Variants in SMC4 observed in about 807,000 individuals in gnomAD.
SMC4 encodes the protein structural maintenance of chromosomes 4.
In SMC4, 87 loss-of-function variants were observed where a neutral mutation model predicts 145.6. That is an observed-to-expected ratio of 0.60 (90% CI 0.50 to 0.71). The LOEUF (loss-of-function observed/expected upper bound fraction) is 0.71. Ranked by LOEUF, SMC4 falls within the 30% of genes least tolerant of loss-of-function variation. SMC4 has a pLI of 0.00. For missense variants in SMC4, 1,447 were observed against 1,537.1 expected (o/e 0.94, Z 0.98); for synonymous variants, 558 against 500.7 (o/e 1.11, Z -1.53).
At chr3:160,433,305 CTTTA>C (rs1202308355) in intron 23 of SMC4, 96 bp downstream of exon 23, 12 of 844,534 alleles carry the variant, frequency 1.4e-5, no homozygotes, top group Non-Finnish European at 2.2e-5. Context: ...TGAGCTTTTT[CTTTA>C]TTGTCTAATA....
Position 160,430,653 on chromosome 3 carries a change from TACTGAG to T in SMC4, c.2852_2857del (p.Thr951_Glu952del). 1 of 1,613,580 alleles carries T rather than the reference TACTGAG, an allele frequency of 6.2e-7. No individual in the cohort carries two copies. The highest frequency in any genetic ancestry group is 8.5e-7 in the Non-Finnish European group (1 of 1,179,782). On this transcript the variant is annotated inframe_deletion, in exon 19 of 24. Transcript: ENST00000357388. ...TGCGTACAGAGAAAGAAATAAAAGA[TACTGAG>T]AAAGAGGTGGATGACCTAACAGCAG...
At position 160,433,841 on chromosome 3, in the gene SMC4, A is replaced by C. The variant is rs777924262; in HGVS notation, c.*32A>C. 1 of 1,539,968 alleles carries C rather than the reference A, an allele frequency of 6.5e-7. No homozygotes were observed. Among genetic ancestry groups the C allele is most frequent in the South Asian group, 1.2e-5 (1 of 81,924 alleles). On this transcript the variant is annotated 3_prime_UTR_variant, in exon 24 of 24. Coordinates refer to ENST00000357388, the MANE Select transcript of SMC4 (RefSeq NM_001002800.3). ...TGCTGAAGATTCTTCAAGTTGATTC[A>C]GTGTATTACTGATTTTTTTCTATTT...
In SMC4 at chr3:160,413,531, G is replaced by A. The variant is rs1432160351; in HGVS notation, c.1039G>A (p.Asp347Asn). ...AACTCAAAAGGAAAAAATTCATGAA[G>A]ATACCAAAGAAATTAATGAGAAGAG... ...METQKEKIHE[D>N]TKEINEKSNI... The change falls in exon 8 of 24, where the codon GAT becomes AAT. Residue 347 changes from aspartate (D) to asparagine (N), a missense_variant. By Grantham distance (23) the Asp-to-Asn change is conservative (BLOSUM62 1). Coordinates refer to ENST00000357388, the MANE Select transcript of SMC4 (RefSeq NM_001002800.3). 6.3e-7 allele frequency: 1 copy of A among 1,582,308 alleles called. No individual in the cohort carries two copies. The highest frequency in any genetic ancestry group is 8.6e-7 in the Non-Finnish European group (1 of 1,166,900).
intron 20 of SMC4, 140 bp downstream of exon 20, chr3:160,431,345 C>A: frequency 1.4e-6 from 1 of 727,514 alleles, no homozygotes; most frequent in East Asian, 2.9e-5. Context: ...GTGATCACTT[C>A]TAAGGTTTAT....
chr3:160,422,240 A>G (rs1246462789), intron 13 of SMC4, among the ~76,000 whole-genome samples: 1 of 152,214 alleles, frequency 6.6e-6, no homozygotes, highest in African/African-American at 2.4e-5. Flanking sequence ...CTGCTGGGTC[A>G]TGTGGTAATT....
chr3:160,428,992 A>G (rs1412173946), intron 18 of SMC4, 50 bp downstream of exon 18: 1 of 1,404,884 alleles, frequency 7.1e-7, no homozygotes, highest in Non-Finnish European at 9.6e-7. Flanking sequence ...CTGCCTTCAC[A>G]TTGGAAAGGG....
At position 160,424,983 on chromosome 3, in the gene SMC4, G is replaced by T; in HGVS notation, c.2442G>T (p.Met814Ile). 6.2e-7 allele frequency: 1 copy of T among 1,610,368 alleles called. No homozygotes were observed. The highest frequency in any genetic ancestry group is 1.1e-5 in the South Asian group (1 of 91,018). Residue 814 changes from methionine (M) to isoleucine (I), a missense_variant, in exon 16 of 24, where the codon ATG becomes ATT. Physicochemically the swap from Met to Ile is conservative, Grantham distance 10. Coordinates refer to ENST00000357388, the MANE Select transcript of SMC4 (RefSeq NM_001002800.3). ...AGTTACGGCATAGTGAACGAGAAAT[G>T]AGGAACACACTAGAAAAATTTACTG... ...VVKLRHSERE[M>I]RNTLEKFTAS...
chr3:160,433,849 A>G lies in SMC4; in HGVS notation c.*40A>G, dbSNP rs758061505. 1.0e-5 allele frequency: 15 copies of G among 1,506,550 alleles called. No homozygotes were observed. In the African/African-American group the frequency reaches 2.1e-4, roughly 21 times the overall value. 93.3% of individuals were successfully genotyped at this position (1,506,550 alleles called of 1,614,324 possible). On this transcript the variant is annotated 3_prime_UTR_variant, in exon 24 of 24. Coordinates refer to ENST00000357388, the MANE Select transcript of SMC4 (RefSeq NM_001002800.3). ...ATTCTTCAAGTTGATTCAGTGTATT[A>G]CTGATTTTTTTCTATTTGTAAAGGA...
intron 3 of SMC4, 101 bp downstream of exon 3, chr3:160,402,194 A>C: frequency 1.5e-6 from 1 of 649,294 alleles, no homozygotes; most frequent in Non-Finnish European, 2.4e-6. Context: ...CCTAAAATTC[A>C]TTCACTCCCT....
intron 5 of SMC4, among the ~76,000 whole-genome samples, chr3:160,410,518 A>G (rs1006661666): frequency 1.3e-5 from 2 of 152,264 alleles, no homozygotes; most frequent in Non-Finnish European, 2.9e-5. Flanking sequence ...AATACTTTAT[A>G]TAAATATCTA....
In SMC4 at chr3:160,400,022, C is replaced by T. The variant is rs752835129; in HGVS notation, c.-6+273C>T. ...GATCTTTTCTTTAAAAAATCCTAGTCTCTATCTGGAAAAGGGCGTCTCCCC... is the reference window on the plus strand; with the variant it reads ...GATCTTTTCTTTAAAAAATCCTAGTTTCTATCTGGAAAAGGGCGTCTCCCC... On this transcript the variant is annotated intron_variant, in intron 1 of 23. Coordinates refer to ENST00000357388, the MANE Select transcript of SMC4 (RefSeq NM_001002800.3). The T allele has an allele frequency of 3.3e-5, 5 of 152,434 alleles. No homozygotes were observed. In the South Asian group the frequency reaches 1.0e-3, roughly 32 times the overall value. 9.4% of individuals were successfully genotyped at this position (152,434 alleles called of 1,614,324 possible).
rs546977751 is a variant in SMC4 at position 160,413,476 on chromosome 3, T to G, written c.984T>G (p.Tyr328Ter). ...KKNHVCQYYI[Y>*]ELQKRIAEME... ...TTTTTTTTTTTCCTCCCTATAGTTA[T>G]GAGTTGCAGAAACGAATTGCTGAAA... The change falls in exon 8 of 24, where the codon TAT (tyrosine) becomes TAG (stop). Residue 328 changes from tyrosine (Y) to a stop codon, truncating the protein, a stop_gained. Transcript: ENST00000357388. LOFTEE classifies it high-confidence loss of function. 1.9e-6 allele frequency: 3 copies of G among 1,580,024 alleles called. No individual in the cohort carries two copies. Among genetic ancestry groups the G allele is most frequent in the Non-Finnish European group, 2.6e-6 (3 of 1,170,668 alleles).
intron 13 of SMC4, 66 bp from the exon 14 acceptor site, chr3:160,423,359 G>GTTTTTTTTTTTTTTTTTTTTTTTTTTTTT (rs372679543): frequency 2.8e-6 from 1 of 359,972 alleles, no homozygotes; most frequent in Non-Finnish European, 4.4e-6. Flanking sequence ...GTTTTTTTTT[G>GTTTTTTTTTTTTTTTTTTTTTTTTTTTTT]TTTTTTTTTT....
At chr3:160,410,082 A>G (rs531748421) in intron 5 of SMC4, among the ~76,000 whole-genome samples, 2 of 152,314 alleles carry the variant, frequency 1.3e-5, no homozygotes, top group African/African-American at 4.8e-5. Flanking sequence ...TCTCAAAAAA[A>G]TAATAAATGA....
chr3:160,409,412 G>A (rs1303456608), intron 5 of SMC4, among the ~76,000 whole-genome samples: 2 of 150,884 alleles, frequency 1.3e-5, no homozygotes, highest in African/African-American at 2.4e-5. Flanking sequence ...CATTTTATTT[G>A]GAGAGAGAGG....
At chr3:160,406,380 G>A (rs770058466) in intron 5 of SMC4, among the ~76,000 whole-genome samples, 1 of 152,060 alleles carries the variant, frequency 6.6e-6, no homozygotes, top group Non-Finnish European at 1.5e-5. Context: ...TTGAGGGAAA[G>A]TGACAATGGT....
chr3:160,414,904 G>GT (rs1476466249), intron 9 of SMC4, among the ~76,000 whole-genome samples: 1 of 152,122 alleles, frequency 6.6e-6, no homozygotes, highest in African/African-American at 2.4e-5. Flanking sequence ...ACAATAATAT[G>GT]TTATTGGGAA....
chr3:160,433,002 CTA>C (rs774342155), intron 22 of SMC4, 22 bp from the exon 23 acceptor site: 11 of 1,550,470 alleles, frequency 7.1e-6, no homozygotes, highest in African/African-American at 1.4e-5. Flanking sequence ...GGTAATTTGA[CTA>C]TGATTTTCTT....
At chr3:160,401,849 A>C in intron 2 of SMC4, 66 bp from the exon 3 acceptor site, 1 of 1,254,788 alleles carries the variant, frequency 8.0e-7, no homozygotes, top group Admixed American at 2.5e-5. Flanking sequence ...TCTCCGAACT[A>C]ATTGCACTAA....
Sources: allele counts gnomAD v4.1 joint callset (sites outside exome capture counted in the v4.1 genomes callset), GRCh38; gene constraint gnomAD v4.1.1; transcripts MANE v1.5; gene names NCBI Gene and HGNC (gene_info 2026-07-23, HGNC 2026-07-21).